The following TENM3 variants were observed in gnomAD, a reference collection of about 807,000 sequenced individuals.
TENM3 encodes the protein teneurin-3.
In TENM3, 63 loss-of-function variants were observed where a neutral mutation model predicts 255.1. The ratio of observed to expected loss-of-function variants is 0.25; its 90% confidence interval spans 0.20 to 0.30. The LOEUF is 0.30. Among genes scored for constraint, TENM3 ranks in the 10% least tolerant of loss-of-function variants. The pLI, the probability that TENM3 is intolerant of heterozygous loss-of-function variation, is 1.00. For missense variants in TENM3, 2,929 were observed against 3,461.1 expected (o/e 0.85, Z 3.86); for synonymous variants, 1,306 against 1,322.3 (o/e 0.99, Z 0.27).
the TENM3 span, among the ~76,000 whole-genome samples, chr4:181,522,508 T>A: frequency 6.6e-6 from 1 of 152,210 alleles, no homozygotes; most frequent in Non-Finnish European, 1.5e-5. Flanking sequence ...GTGATATGTC[T>A]TTCATTAAGG....
At chr4:181,610,780 G>A in the TENM3 span, among the ~76,000 whole-genome samples, 3 of 152,206 alleles carry the variant, frequency 2.0e-5, no homozygotes, top group South Asian at 6.2e-4. Context: ...ACATCAAGCA[G>A]CCCTCTGGAA....
Position 182,801,995 on chromosome 4 carries a change from A to T in TENM3, c.*1644A>T, listed in dbSNP as rs1201780486. 1 of 152,584 alleles carries T rather than the reference A, an allele frequency of 6.6e-6. No homozygotes were observed. Among genetic ancestry groups the T allele is most frequent in the Non-Finnish European group, 1.5e-5 (1 of 67,998 alleles). 9.5% of individuals were successfully genotyped at this position (152,584 alleles called of 1,614,324 possible). On this transcript the variant is annotated 3_prime_UTR_variant, in exon 28 of 28. Coordinates refer to ENST00000511685, the MANE Select transcript of TENM3 (RefSeq NM_001080477.4). ...TAGTACACACTGTTTTCCTCTATGT[A>T]TAATGGTGATAAAATATAGCAAGTG...
At chr4:182,220,988 T>G (rs1755821718) in intron 1 of TENM3, among the ~76,000 whole-genome samples, 1 of 152,234 alleles carries the variant, frequency 6.6e-6, no homozygotes, top group Non-Finnish European at 1.5e-5. Context: ...GTTTTACCCC[T>G]TCGCTTAATC....
chr4:182,148,683 A>G (rs1750125332), intron 1 of TENM3, among the ~76,000 whole-genome samples: 1 of 152,044 alleles, frequency 6.6e-6, no homozygotes, highest in East Asian at 1.9e-4. Context: ...AGATGGTGTA[A>G]TCCTGACAAT....
the TENM3 span, among the ~76,000 whole-genome samples, chr4:181,491,446 C>T: frequency 2.0e-5 from 3 of 151,890 alleles, no homozygotes; most frequent in Admixed American, 6.6e-5. Flanking sequence ...ATTTTCTCTG[C>T]TTCTCTTACC....
At chr4:182,768,378 A>C (rs186662736) in intron 22 of TENM3, among the ~76,000 whole-genome samples, 3 of 152,146 alleles carry the variant, frequency 2.0e-5, no homozygotes, top group Non-Finnish European at 4.4e-5. Context: ...GGCTGTTGAC[A>C]TTGGGTTGGT....
chr4:182,546,301 A>G (rs1741440820), intron 3 of TENM3, among the ~76,000 whole-genome samples: 1 of 152,016 alleles, frequency 6.6e-6, no homozygotes, highest in Non-Finnish European at 1.5e-5. Context: ...TTTCCTTTTA[A>G]TTTTTCTTTC....
At chr4:181,511,101 G>A in the TENM3 span, among the ~76,000 whole-genome samples, 1 of 152,168 alleles carries the variant, frequency 6.6e-6, no homozygotes, top group South Asian at 2.1e-4. Context: ...GGATGCCACA[G>A]AGATGTCCAA....
the TENM3 span, among the ~76,000 whole-genome samples, chr4:181,539,025 C>G: frequency 0.013 from 1,936 of 152,226 alleles, 35 homozygotes; most frequent in African/African-American, 0.043. Flanking sequence ...TTTATATTGT[C>G]CCATATATAG....
chr4:181,897,719 G>A, the TENM3 span, among the ~76,000 whole-genome samples: 1 of 152,292 alleles, frequency 6.6e-6, no homozygotes, highest in East Asian at 1.9e-4. Flanking sequence ...TGTTGGGCAA[G>A]GACAGTTTTT....
At chr4:181,562,050 C>A in the TENM3 span, among the ~76,000 whole-genome samples, 3 of 152,122 alleles carry the variant, frequency 2.0e-5, no homozygotes, top group Admixed American at 1.3e-4. Flanking sequence ...ATGAGGAATG[C>A]ATTTATCATT....
the TENM3 span, among the ~76,000 whole-genome samples, chr4:181,878,693 C>T: frequency 4.6e-5 from 7 of 151,900 alleles, no homozygotes; most frequent in Admixed American, 6.6e-5. Context: ...ATAATCCTTC[C>T]GTCTGTCTAT....
chr4:182,225,623 G>T (rs748860983), intron 1 of TENM3, among the ~76,000 whole-genome samples: 1 of 152,178 alleles, frequency 6.6e-6, no homozygotes, highest in Non-Finnish European at 1.5e-5. Flanking sequence ...GCCCACGGGA[G>T]GAGCCTTGAG....
intron 1 of TENM3, among the ~76,000 whole-genome samples, chr4:182,235,074 C>A (rs909737090): frequency 2.0e-5 from 3 of 152,234 alleles, no homozygotes; most frequent in Admixed American, 6.5e-5. Flanking sequence ...TACAAAAAAA[C>A]CACTCCTCAG....
chr4:181,775,291 A>T, the TENM3 span, among the ~76,000 whole-genome samples: 2 of 152,066 alleles, frequency 1.3e-5, no homozygotes, highest in East Asian at 3.9e-4. Context: ...TTTAGTAAGA[A>T]TTTTCCCTGC....
the TENM3 span, among the ~76,000 whole-genome samples, chr4:181,698,213 C>CAAA: frequency 8.4e-6 from 1 of 119,484 alleles, no homozygotes; most frequent in African/African-American, 3.2e-5. Context: ...GACTCTGTCT[C>CAAA]AAAAAAAAAA....
At chr4:181,756,365 GATAA>G in the TENM3 span, among the ~76,000 whole-genome samples, 3 of 152,204 alleles carry the variant, frequency 2.0e-5, no homozygotes, top group East Asian at 5.8e-4. Flanking sequence ...TTATTGTTTT[GATAA>G]ATAAATCAAT....
In TENM3 at chr4:182,582,644, A is replaced by G. The variant is rs376625711; in HGVS notation, c.512-18280A>G. ...AACATATAAAATAGAGGAGAACTATATAAGTCCTTTTTTTAAAAAAGTAGC... is the reference window on the plus strand; with the variant it reads ...AACATATAAAATAGAGGAGAACTATGTAAGTCCTTTTTTTAAAAAAGTAGC... On this transcript the variant is annotated intron_variant, in intron 3 of 27. Transcript: ENST00000511685. Among the ~76,000 whole-genome samples the G allele has an allele frequency of 5.3e-5, 8 of 152,338 alleles. No individual in the cohort carries two copies. In the South Asian group the frequency reaches 8.3e-4, roughly 16 times the overall value.
At chr4:182,794,230 T>G (rs749844804) in intron 26 of TENM3, among the ~76,000 whole-genome samples, 5 of 152,338 alleles carry the variant, frequency 3.3e-5, no homozygotes, top group South Asian at 2.1e-4. Flanking sequence ...CCACAAGTTG[T>G]GTAGCTCTGT....
Sources: gnomAD v4.1 joint callset for allele counts (sites outside exome capture counted in the v4.1 genomes callset) on GRCh38, gnomAD v4.1.1 for gene constraint, MANE v1.5 for transcripts, NCBI Gene and HGNC (gene_info 2026-07-23, HGNC 2026-07-21) for gene names.